The following OR6C3 variants were observed in gnomAD, a reference collection of about 807,000 sequenced individuals.
OR6C3 encodes the protein olfactory receptor family 6 subfamily C member 3.
For synonymous variants in OR6C3, 177 were observed against 137.4 expected (o/e 1.29, Z -2.02); for missense variants, 487 against 364.6 (o/e 1.34, Z -2.73).
At position 55,332,057 on chromosome 12, in the gene OR6C3, C is replaced by G; in HGVS notation, c.357C>G (p.Arg119=). ...TTTTAACTGCCATGTCCTATGACCG[C>G]TATGTTGCCATCTGCAAGCCCCTTC... is the stretch of plus-strand genomic sequence containing the variant. The part of the protein sequence containing the change: ...FYILTAMSYD[R]YVAICKPLHY... The change falls in exon 2 of 2, where the codon CGC becomes CGG. Residue 119 remains arginine (R), a synonymous_variant. Coordinates refer to ENST00000641740, the MANE Select transcript of OR6C3 (RefSeq NM_001388498.1). 1 of 1,614,148 alleles carries G rather than the reference C, an allele frequency of 6.2e-7. No individual in the cohort carries two copies. The highest frequency in any genetic ancestry group is 8.5e-7 in the Non-Finnish European group (1 of 1,180,018).
chr12:55,330,435 T>C (rs1868805074), upstream of OR6C3: 1 of 152,170 alleles, frequency 6.6e-6, no homozygotes, highest in African/African-American at 2.4e-5. Flanking sequence ...TAAAATTTGA[T>C]TAGTGTGAAC....
In OR6C3 at chr12:55,332,302, T is replaced by G; in HGVS notation, c.602T>G (p.Leu201Trp). Residue 201 changes from leucine to tryptophan, a missense_variant, in exon 2 of 2, where the codon TTG becomes TGG. By Grantham distance (61) the Leu-to-Trp change is moderately conservative (BLOSUM62 -2). Transcript: ENST00000641740. ...LLEVIGFYFA[L>W]VTLLFTLALV... ...GAAGTAATTGGTTTTTACTTTGCTT[T>G]GGTTACTTTGCTGTTCACTTTGGCA... 1 of 1,614,136 alleles carries G rather than the reference T, an allele frequency of 6.2e-7. No homozygotes were observed. The highest frequency in any genetic ancestry group is 8.5e-7 in the Non-Finnish European group (1 of 1,180,014).
Position 55,332,129 on chromosome 12 carries a change from G to C in OR6C3, c.429G>C (p.Leu143=). 1 of 1,614,114 alleles carries C rather than the reference G, an allele frequency of 6.2e-7. No individual in the cohort carries two copies. The highest frequency in any genetic ancestry group is 8.5e-7 in the Non-Finnish European group (1 of 1,180,028). Residue 143 remains leucine, a synonymous_variant, in exon 2 of 2, where the codon CTG becomes CTC. Coordinates refer to ENST00000641740, the MANE Select transcript of OR6C3 (RefSeq NM_001388498.1). Reference sequence around the variant, plus strand: ...GGAAACTCTGCACTCTACTTGTGCTGTGTGCCTGGCTAAGTGGGTTTCTGA... The same window carrying C: ...GGAAACTCTGCACTCTACTTGTGCTCTGTGCCTGGCTAAGTGGGTTTCTGA... ...MNRKLCTLLV[L]CAWLSGFLTI...
Position 55,332,385 on chromosome 12 carries a change from A to G in OR6C3, c.685A>G (p.Ser229Gly). Residue 229 changes from serine (S) to glycine (G), a missense_variant, in exon 2 of 2, where the codon AGT (serine) becomes GGT (glycine). By Grantham distance (56) the Ser-to-Gly change is moderately conservative (BLOSUM62 0). Coordinates refer to ENST00000641740, the MANE Select transcript of OR6C3 (RefSeq NM_001388498.1). ...IRTILRIPSA[S>G]QRKKAFSTCS... ...GACCATTTTGAGAATCCCGTCTGCCAGTCAAAGAAAAAAGGCTTTCTCCAC... is the reference window on the plus strand; with the variant it reads ...GACCATTTTGAGAATCCCGTCTGCCGGTCAAAGAAAAAAGGCTTTCTCCAC... The G allele has an allele frequency of 1.9e-6, 3 of 1,614,160 alleles. No homozygotes were observed. Among genetic ancestry groups the G allele is most frequent in the Non-Finnish European group, 2.5e-6 (3 of 1,180,016 alleles).
chr12:55,331,929 A>G lies in OR6C3; in HGVS notation c.229A>G (p.Arg77Gly). The G allele has an allele frequency of 6.2e-7, 1 of 1,614,094 alleles. No individual in the cohort carries two copies. Among genetic ancestry groups the G allele is most frequent in the Non-Finnish European group, 8.5e-7 (1 of 1,179,990 alleles). The change falls in exon 2 of 2, where the codon AGA becomes GGA. Residue 77 changes from arginine (R) to glycine (G), a missense_variant. Coordinates refer to ENST00000641740, the MANE Select transcript of OR6C3 (RefSeq NM_001388498.1). ...EISFTTVCIP[R>G]FLGAIITRNK... ...CTCATTTACAACCGTATGCATCCCC[A>G]GATTTCTGGGGGCAATTATCACCAG...
chr12:55,331,761 C>A lies in OR6C3; in HGVS notation c.61C>A (p.Gln21Lys), dbSNP rs764783188. The A allele has an allele frequency of 2.2e-5, 35 of 1,613,832 alleles. No individual in the cohort carries two copies. The Middle Eastern group carries it at 6.6e-4, about 30-fold the overall frequency. ...GGGCCTTTCTGATGATCCTGACCTT[C>A]AGATTGTGATTTTTCTCTTTTTATT... ...LLGLSDDPDLQIVIFLFLFIT... is the reference protein window; with the variant it reads ...LLGLSDDPDLKIVIFLFLFIT... The change falls in exon 2 of 2, where the codon CAG becomes AAG. Residue 21 changes from glutamine (Q) to lysine (K), a missense_variant. Coordinates refer to ENST00000641740, the MANE Select transcript of OR6C3 (RefSeq NM_001388498.1).
chr12:55,332,037 A>T lies in OR6C3; in HGVS notation c.337A>T (p.Thr113Ser). ...GGGGGTGACTGAATTTTACATTTTA[A>T]CTGCCATGTCCTATGACCGCTATGT... is the stretch of plus-strand genomic sequence containing the variant. ...FMGVTEFYIL[T>S]AMSYDRYVAI... Residue 113 changes from threonine to serine, a missense_variant, in exon 2 of 2, where the codon ACT becomes TCT. Physicochemically the swap from Thr to Ser is moderately conservative, Grantham distance 58. Transcript: ENST00000641740. 6.2e-7 allele frequency: 1 copy of T among 1,614,064 alleles called. No individual in the cohort carries two copies.
intron 1 of OR6C3, among the ~76,000 whole-genome samples, chr12:55,331,360 A>T (rs1186622916): frequency 6.6e-6 from 1 of 152,116 alleles, no homozygotes; most frequent in African/African-American, 2.4e-5. Flanking sequence ...AACAAAAAAG[A>T]TAATGATATT....
In OR6C3 at chr12:55,332,055, C is replaced by A; in HGVS notation, c.355C>A (p.Arg119Ser). 1 of 1,614,048 alleles carries A rather than the reference C, an allele frequency of 6.2e-7. No homozygotes were observed. Among genetic ancestry groups the A allele is most frequent in the Non-Finnish European group, 8.5e-7 (1 of 1,179,990 alleles). The change falls in exon 2 of 2, where the codon CGC becomes AGC. Residue 119 changes from arginine (R) to serine (S), a missense_variant. Transcript: ENST00000641740. ...CATTTTAACTGCCATGTCCTATGAC[C>A]GCTATGTTGCCATCTGCAAGCCCCT... The part of the protein sequence containing the change: ...FYILTAMSYD[R>S]YVAICKPLHY...
intron 1 of OR6C3, 76 bp from the exon 2 acceptor site, chr12:55,331,581 A>T (rs1868848564): frequency 1.6e-6 from 1 of 633,026 alleles, no homozygotes; most frequent in Admixed American, 3.0e-5. Flanking sequence ...TTGTATTGAT[A>T]ATTATATGGA....
chr12:55,331,582 A>C (rs935945047), intron 1 of OR6C3, 75 bp from the exon 2 acceptor site: 15 of 637,238 alleles, frequency 2.4e-5, no homozygotes, highest in Admixed American at 1.8e-4. Flanking sequence ...TGTATTGATA[A>C]TTATATGGAT....
At chr12:55,331,069 AG>A (rs1204027961) in intron 1 of OR6C3, among the ~76,000 whole-genome samples, 1 of 151,724 alleles carries the variant, frequency 6.6e-6, no homozygotes, top group Non-Finnish European at 1.5e-5. Flanking sequence ...ATCATATATA[AG>A]ATGTTCTATT....
Position 55,332,364 on chromosome 12 carries a change from A to G in OR6C3, c.664A>G (p.Ile222Val). 6.2e-7 allele frequency: 1 copy of G among 1,614,140 alleles called. No individual in the cohort carries two copies. The highest frequency in any genetic ancestry group is 8.5e-7 in the Non-Finnish European group (1 of 1,180,016). ...ILSYMYIIRT[I>V]LRIPSASQRK... ...ATCTTACATGTACATTATCAGGACC[A>G]TTTTGAGAATCCCGTCTGCCAGTCA... Residue 222 changes from isoleucine (I) to valine (V), a missense_variant, in exon 2 of 2, where the codon ATT (isoleucine) becomes GTT (valine). Transcript: ENST00000641740.
intron 1 of OR6C3, among the ~76,000 whole-genome samples, chr12:55,331,433 C>T (rs1868838146): frequency 6.6e-6 from 1 of 151,902 alleles, no homozygotes; most frequent in Non-Finnish European, 1.5e-5. Flanking sequence ...AGTGATGTGG[C>T]TTATTGTCTG....
Position 55,331,994 on chromosome 12 carries a change from CTTT to C in OR6C3, c.297_299del (p.Phe101del). On this transcript the variant is annotated inframe_deletion, in exon 2 of 2. Coordinates refer to ENST00000641740, the MANE Select transcript of OR6C3 (RefSeq NM_001388498.1). ...CCTATAACAACTGTGCAGCCCAACT[CTTT>C]TTCTTTATCTTCATGGGGGTGACTG... 1.2e-6 allele frequency: 2 copies of C among 1,614,146 alleles called. No homozygotes were observed. Among genetic ancestry groups the C allele is most frequent in the Non-Finnish European group, 1.7e-6 (2 of 1,180,018 alleles).
Position 55,331,573 on chromosome 12 carries a change from G to A in OR6C3, c.-44-84G>A, listed in dbSNP as rs1269551360. ...CAGACTGTAGAAGATTTTTAGAATT[G>A]TATTGATAATTATATGGATCATGAT... On this transcript the variant is annotated intron_variant, in intron 1 of 1. Coordinates refer to ENST00000641740, the MANE Select transcript of OR6C3 (RefSeq NM_001388498.1). 4 of 605,106 alleles carry A rather than the reference G, an allele frequency of 6.6e-6. No individual in the cohort carries two copies. In the African/African-American group the frequency reaches 7.4e-5, roughly 11 times the overall value. 37.5% of individuals were successfully genotyped at this position (605,106 alleles called of 1,614,324 possible).
rs749971147 is a variant in OR6C3 at position 55,332,359 on chromosome 12, G to A, written c.659G>A (p.Arg220Lys). 2.1e-5 allele frequency: 34 copies of A among 1,613,948 alleles called. No individual in the cohort carries two copies. The East Asian group carries it at 6.9e-4, about 33-fold the overall frequency. The change falls in exon 2 of 2, where the codon AGG becomes AAG. Residue 220 changes from arginine to lysine, a missense_variant. Coordinates refer to ENST00000641740, the MANE Select transcript of OR6C3 (RefSeq NM_001388498.1). The part of the protein sequence containing the change: ...LVILSYMYII[R>K]TILRIPSASQ... ...ATTTTATCTTACATGTACATTATCAGGACCATTTTGAGAATCCCGTCTGCC... is the reference window on the plus strand; with the variant it reads ...ATTTTATCTTACATGTACATTATCAAGACCATTTTGAGAATCCCGTCTGCC...
Position 55,332,179 on chromosome 12 carries a change from T to A in OR6C3, c.479T>A (p.Leu160His). The A allele has an allele frequency of 1.5e-5, 25 of 1,614,112 alleles. No individual in the cohort carries two copies. The highest frequency in any genetic ancestry group is 2.0e-5 in the Non-Finnish European group (24 of 1,180,004). Residue 160 changes from leucine (L) to histidine (H), a missense_variant, in exon 2 of 2, where the codon CTC (leucine) becomes CAC (histidine). Physicochemically the swap from Leu to His is moderately conservative, Grantham distance 99 (BLOSUM62 -3). Transcript: ENST00000641740. The part of the protein sequence containing the change: ...FLTIFPPLML[L>H]LQLDYCASNV... ...ACCATTTTCCCACCCCTTATGCTTCTCCTCCAGCTGGATTACTGTGCTTCC... is the reference window on the plus strand; with the variant it reads ...ACCATTTTCCCACCCCTTATGCTTCACCTCCAGCTGGATTACTGTGCTTCC...
Position 55,332,424 on chromosome 12 carries a change from A to C in OR6C3, c.724A>C (p.Met242Leu), listed in dbSNP as rs1868895508. 1 of 1,614,072 alleles carries C rather than the reference A, an allele frequency of 6.2e-7. No individual in the cohort carries two copies. The highest frequency in any genetic ancestry group is 8.5e-7 in the Non-Finnish European group (1 of 1,179,966). The change falls in exon 2 of 2, where the codon ATG becomes CTG. Residue 242 changes from methionine to leucine, a missense_variant. Coordinates refer to ENST00000641740, the MANE Select transcript of OR6C3 (RefSeq NM_001388498.1). Reference sequence around the variant, plus strand: ...GGCTTTCTCCACTTGTTCTTCTCACATGATTGTCATTTCCATTTCTTATGG... The same window carrying C: ...GGCTTTCTCCACTTGTTCTTCTCACCTGATTGTCATTTCCATTTCTTATGG... ...KKAFSTCSSH[M>L]IVISISYGSC...
Sources: allele counts gnomAD v4.1 joint callset (sites outside exome capture counted in the v4.1 genomes callset), GRCh38; gene constraint gnomAD v4.1.1; transcripts MANE v1.5; gene names NCBI Gene and HGNC (gene_info 2026-07-23, HGNC 2026-07-21).